The following DROSHA variants were observed in gnomAD, a reference collection of about 807,000 sequenced individuals.
DROSHA encodes ribonuclease 3.
In DROSHA, 56 loss-of-function variants were observed where a neutral mutation model predicts 181.9. That is an observed-to-expected ratio of 0.31 (90% CI 0.25 to 0.38). DROSHA has a LOEUF of 0.38. DROSHA is among the 10% of genes least tolerant of loss of function. The pLI is 1.00. For synonymous variants in DROSHA, 524 were observed against 591.2 expected (o/e 0.89, Z 1.65); for missense variants, 1,218 against 1,743.5 (o/e 0.70, Z 5.37).
At chr5:31,505,747 T>C (rs1275085256) in intron 10 of DROSHA, 3 of 152,220 alleles carry the variant, frequency 2.0e-5, no homozygotes, top group African/African-American at 4.8e-5. Context: ...ATTTCTTCGT[T>C]TCTTCTCCAC....
intron 11 of DROSHA, among the ~76,000 whole-genome samples, chr5:31,501,988 C>T (rs6876706): frequency 0.027 from 4,053 of 152,320 alleles, 177 homozygotes; most frequent in African/African-American, 0.093. Context: ...GCCGCAGCCA[C>T]ACAATTTTTA....
intron 16 of DROSHA, among the ~76,000 whole-genome samples, chr5:31,481,354 T>C (rs12515221): frequency 0.74 from 112,423 of 152,114 alleles, 45,372 homozygotes; most frequent in Non-Finnish European, 0.91. Context: ...TACGTGAGAG[T>C]TGAAATCTCA....
intron 23 of DROSHA, among the ~76,000 whole-genome samples, chr5:31,440,731 C>T (rs1439945563): frequency 3.9e-5 from 6 of 152,180 alleles, no homozygotes; most frequent in Non-Finnish European, 8.8e-5. Flanking sequence ...GAAAGTTCCA[C>T]ACCTGACCTT....
At chr5:31,412,433 A>G (rs143254650) in intron 30 of DROSHA, among the ~76,000 whole-genome samples, 2 of 152,322 alleles carry the variant, frequency 1.3e-5, no homozygotes, top group African/African-American at 4.8e-5. Context: ...CACTTTCTTT[A>G]TTAGATGCAA....
Position 31,515,202 on chromosome 5 carries a change from T to C in DROSHA, c.1076A>G (p.Glu359Gly). 1.9e-6 allele frequency: 3 copies of C among 1,612,184 alleles called. No homozygotes were observed. In the South Asian group the frequency reaches 3.3e-5, roughly 18 times the overall value. The change falls in exon 8 of 36, where the codon GAG becomes GGG. Residue 359 changes from glutamate to glycine, a missense_variant. Physicochemically the swap from Glu to Gly is moderately conservative, Grantham distance 98 (BLOSUM62 -2). Coordinates refer to ENST00000344624, the MANE Select transcript of DROSHA (RefSeq NM_001382508.1). ...TTCCTCCCAACGAGCTCTCTTCTTC[T>C]CCCTACTTGGGGAGCGACTTCAAAA... The part of the protein sequence containing the change: ...EIVNHRSPSR[E>G]KKRARWEEEK...
chr5:31,515,029 G>A lies in DROSHA; in HGVS notation c.1249C>T (p.His417Tyr). ...TCACTGGAGTAGTAGTTTTCTGAAT[G>A]AGTGCATCGAATCCACACAGGCTTA... is the stretch of plus-strand genomic sequence containing the variant. ...LLKPVWIRCT[H>Y]SENYYSSDPM... Residue 417 changes from histidine (H) to tyrosine (Y), a missense_variant, in exon 8 of 36, where the codon CAT becomes TAT. Physicochemically the swap from His to Tyr is moderately conservative, Grantham distance 83. Transcript: ENST00000344624. The A allele has an allele frequency of 6.2e-7, 1 of 1,613,984 alleles. No homozygotes were observed. The highest frequency in any genetic ancestry group is 8.5e-7 in the Non-Finnish European group (1 of 1,179,898).
chr5:31,480,474 A>AG (rs1171734191), intron 16 of DROSHA, among the ~76,000 whole-genome samples: 1 of 151,972 alleles, frequency 6.6e-6, no homozygotes, highest in African/African-American at 2.4e-5. Flanking sequence ...AGGGGTCCGA[A>AG]GGGGGTTCTT....
At chr5:31,405,982 T>TA (rs1740608919) in intron 34 of DROSHA, among the ~76,000 whole-genome samples, 1 of 152,070 alleles carries the variant, frequency 6.6e-6, no homozygotes, top group Non-Finnish European at 1.5e-5. Context: ...AATACTGCAA[T>TA]AAAATGCCTT....
chr5:31,437,533 G>A (rs1339932506), intron 23 of DROSHA, among the ~76,000 whole-genome samples: 1 of 151,954 alleles, frequency 6.6e-6, no homozygotes, highest in Non-Finnish European at 1.5e-5. Flanking sequence ...CTTTCTACCA[G>A]GGGGCTTCCT....
chr5:31,512,189 C>G (rs1738768427), intron 8 of DROSHA, among the ~76,000 whole-genome samples: 1 of 152,200 alleles, frequency 6.6e-6, no homozygotes, highest in African/African-American at 2.4e-5. Flanking sequence ...ATCTGGTACC[C>G]AGAAGAGGGG....
chr5:31,424,516 A>T, intron 27 of DROSHA, 45 bp from the exon 28 acceptor site: 1 of 1,562,484 alleles, frequency 6.4e-7, no homozygotes, highest in South Asian at 1.2e-5. Flanking sequence ...GAGCCATTTA[A>T]CGCACTCTAG....
intron 19 of DROSHA, among the ~76,000 whole-genome samples, chr5:31,465,911 A>C (rs1469625174): frequency 6.6e-6 from 1 of 152,078 alleles, no homozygotes; most frequent in East Asian, 1.9e-4. Context: ...CGTGCACCAA[A>C]TAAACCTCTT....
At chr5:31,497,522 T>C (rs550995292) in intron 11 of DROSHA, among the ~76,000 whole-genome samples, 1 of 152,346 alleles carries the variant, frequency 6.6e-6, no homozygotes, top group South Asian at 2.1e-4. Context: ...AATTTTGGCA[T>C]GTGCCTGGTG....
At position 31,464,068 on chromosome 5, in the gene DROSHA, C is replaced by A. The variant is rs564851035; in HGVS notation, c.2574+168G>T. On this transcript the variant is annotated intron_variant, in intron 20 of 35. Transcript: ENST00000344624. ...ACACACACACCAGCATCAAAACAGACAACAAAAACAAAATCCAAATAATAG... is the reference window on the plus strand; with the variant it reads ...ACACACACACCAGCATCAAAACAGAAAACAAAAACAAAATCCAAATAATAG... 4,351 of 658,732 alleles carry A rather than the reference C, an allele frequency of 6.6e-3. 23 individuals carry two copies. Among genetic ancestry groups the A allele is most frequent in the Non-Finnish European group, 9.1e-3 (3,544 of 387,990 alleles). 40.8% of individuals were successfully genotyped at this position (658,732 alleles called of 1,614,324 possible).
chr5:31,457,656 G>A (rs1478617538), intron 20 of DROSHA, among the ~76,000 whole-genome samples: 5 of 152,098 alleles, frequency 3.3e-5, no homozygotes, highest in Non-Finnish European at 7.4e-5. Context: ...CTGGGTGGCC[G>A]AGGCAAGAGG....
At chr5:31,468,770 C>T (rs1561209628) in intron 17 of DROSHA, among the ~76,000 whole-genome samples, 1 of 152,178 alleles carries the variant, frequency 6.6e-6, no homozygotes, top group Non-Finnish European at 1.5e-5. Flanking sequence ...ATAATCACCT[C>T]TCAGGACAGT....
Position 31,444,864 on chromosome 5 carries a change from C to T in DROSHA, c.2882+3683G>A, listed in dbSNP as rs191247213. ...ACAAGAATTTTAAAGCTCTGTCCTG[C>T]TTTTCTTTTTACCTCTTGATTGAAG... On this transcript the variant is annotated intron_variant, in intron 23 of 35. Transcript: ENST00000344624. Among the ~76,000 whole-genome samples, 397 of 152,298 alleles carry T rather than the reference C, an allele frequency of 2.6e-3. 2 individuals are homozygous for T. The highest frequency in any genetic ancestry group is 9.0e-3 in the African/African-American group (376 of 41,566).
rs1177182528 is a variant in DROSHA, at chr5:31,411,169, A to AG, written c.3526-283dup. Among the ~76,000 whole-genome samples the AG allele has an allele frequency of 1.3e-5, 2 of 151,916 alleles. No homozygotes were observed. The highest frequency in any genetic ancestry group is 4.8e-5 in the African/African-American group (2 of 41,376). On this transcript the variant is annotated intron_variant, in intron 30 of 35. Coordinates refer to ENST00000344624, the MANE Select transcript of DROSHA (RefSeq NM_001382508.1). This position sits in a 1 kb window ranked among gnomAD's most constrained non-coding sequence, Gnocchi z 4.2. ...CATTGGGGCAGGGCTGTGGTGGGGG[A>AG]GGGGGGATGTATAATAAGATTTAAG...
At chr5:31,520,993 G>T in intron 6 of DROSHA, 130 bp downstream of exon 6, 1 of 766,100 alleles carries the variant, frequency 1.3e-6, no homozygotes. Flanking sequence ...GTCTGCTTTA[G>T]CTTTTCACAG....
Sources: gnomAD v4.1 joint callset for allele counts (sites outside exome capture counted in the v4.1 genomes callset) on GRCh38, gnomAD v4.1.1 for gene constraint, Gnocchi (gnomAD v3.1) non-coding constraint, MANE v1.5 for transcripts, NCBI Gene and HGNC (gene_info 2026-07-23, HGNC 2026-07-21) for gene names.